Variants in HNF4G observed in about 807,000 individuals in gnomAD.
HNF4G encodes hepatocyte nuclear factor 4 gamma, also known as hepatocyte nuclear factor 4-gamma.
HNF4G carries 21 observed loss-of-function variants against 50.9 expected under a neutral mutation model. The ratio of observed to expected loss-of-function variants is 0.41; its 90% CI spans 0.29 to 0.59. The LOEUF is 0.59. Ranked by LOEUF, HNF4G falls within the 20% of genes least tolerant of loss-of-function variation. The probability of loss-of-function intolerance (pLI) is 0.26; values close to 1 mark genes in which losing one functional copy is unlikely to be tolerated. For synonymous variants in HNF4G, 198 were observed against 185.6 expected, an observed-to-expected ratio of 1.07 and a Z score of -0.54; for missense variants, 527 against 559.4, an observed-to-expected ratio of 0.94 and a Z score of 0.58.
chr8:75,485,267 T>C (rs531109641), intron 1 of HNF4G, among the ~76,000 whole-genome samples: 2 of 152,320 alleles, frequency 1.3e-5, no homozygotes, highest in East Asian at 3.9e-4. Flanking sequence ...AGAAAACCAT[T>C]AAAGCATGTT....
chr8:75,559,474 G>T (rs957519243), intron 8 of HNF4G, among the ~76,000 whole-genome samples: 3 of 151,890 alleles, frequency 2.0e-5, no homozygotes, highest in African/African-American at 7.3e-5. Context: ...GGGTTTCACC[G>T]TGTTGATTAG....
Position 75,564,163 on chromosome 8 carries a change from A to G in HNF4G, c.*67A>G. ...GTTGTTGATCTTGAAATATCTCAGG[A>G]TAGCACTTTTGGCAAACTCTTAGCC... On this transcript the variant is annotated 3_prime_UTR_variant, in exon 10 of 10. Transcript: ENST00000396423. 23 of 1,544,238 alleles carry G rather than the reference A, an allele frequency of 1.5e-5. No individual in the cohort carries two copies. The highest frequency in any genetic ancestry group is 2.0e-5 in the Non-Finnish European group (23 of 1,130,882).
At chr8:75,470,430 A>G (rs901779857) in intron 1 of HNF4G, among the ~76,000 whole-genome samples, 1 of 152,136 alleles carries the variant, frequency 6.6e-6, no homozygotes, top group Non-Finnish European at 1.5e-5. Flanking sequence ...ATTGTAGTCT[A>G]TTATAAAAAT....
At chr8:75,429,324 T>TA (rs1331793585) in intron 1 of HNF4G, among the ~76,000 whole-genome samples, 1 of 152,208 alleles carries the variant, frequency 6.6e-6, no homozygotes, top group Non-Finnish European at 1.5e-5. Context: ...GTCTGGAATT[T>TA]AATCTTCAAT....
At chr8:75,519,337 C>A (rs887718021) in intron 2 of HNF4G, among the ~76,000 whole-genome samples, 1 of 152,220 alleles carries the variant, frequency 6.6e-6, no homozygotes, top group Non-Finnish European at 1.5e-5. Context: ...CTGTCTTCTT[C>A]TGAGCCCTCC....
intron 2 of HNF4G, among the ~76,000 whole-genome samples, chr8:75,528,278 T>C (rs1344404626): frequency 6.6e-6 from 1 of 152,184 alleles, no homozygotes; most frequent in Non-Finnish European, 1.5e-5. Flanking sequence ...GTTTTTTTTG[T>C]TAGATACACT....
chr8:75,526,306 T>C (rs1184212927), intron 2 of HNF4G, among the ~76,000 whole-genome samples: 4 of 151,920 alleles, frequency 2.6e-5, no homozygotes, highest in African/African-American at 7.3e-5. Context: ...GTTCTGGGTT[T>C]ATAGACCTGA....
chr8:75,555,483 G>T (rs944767160), intron 5 of HNF4G, among the ~76,000 whole-genome samples: 1 of 152,072 alleles, frequency 6.6e-6, no homozygotes, highest in African/African-American at 2.4e-5. Context: ...AGAAGTCTTT[G>T]CTTTGCTTTT....
At chr8:75,472,251 A>G (rs1466429975) in intron 1 of HNF4G, among the ~76,000 whole-genome samples, 6 of 152,318 alleles carry the variant, frequency 3.9e-5, no homozygotes, top group African/African-American at 1.2e-4. Context: ...AATAATTTAG[A>G]AAGTATTTAG....
At chr8:75,449,644 C>G (rs556214837) in intron 1 of HNF4G, among the ~76,000 whole-genome samples, 78 of 151,404 alleles carry the variant, frequency 5.2e-4, no homozygotes, top group Non-Finnish European at 9.6e-4. Context: ...GTAGCTGGGA[C>G]TACAGGCTCC....
chr8:75,448,443 A>AT lies in HNF4G; in HGVS notation c.-144+40281_-144+40282insT, dbSNP rs1811483139. On this transcript the variant is annotated intron_variant, in intron 1 of 10. Transcript: ENST00000354370. Reference sequence around the variant, plus strand: ...TTAAAGTATAAAAAAAAAAAAAAAAAAGTGTCAGACATGATACAAGATGAT... The same window carrying AT: ...TTAAAGTATAAAAAAAAAAAAAAAAATAGTGTCAGACATGATACAAGATGAT... 1.1e-3 allele frequency among the ~76,000 whole-genome samples: 85 copies of AT among 76,784 alleles called. 2 individuals carry two copies. In the South Asian group the frequency reaches 0.017, roughly 16 times the overall value. 50.4% of individuals were successfully genotyped at this position (76,784 alleles called of 152,430 possible). A position where few individuals can be genotyped will look rare whatever the true frequency, so the allele number is the denominator to read the frequency against.
At chr8:75,520,594 T>G (rs1013723806) in intron 2 of HNF4G, among the ~76,000 whole-genome samples, 1 of 151,934 alleles carries the variant, frequency 6.6e-6, no homozygotes. Flanking sequence ...GATGCCACCA[T>G]GCCTGGCTAA....
upstream of HNF4G, among the ~76,000 whole-genome samples, chr8:75,534,936 G>A (rs977726138): frequency 1.3e-5 from 2 of 151,262 alleles, no homozygotes; most frequent in African/African-American, 4.9e-5. Context: ...AACAAATCGA[G>A]GACAGGAACA....
rs1177233495 is a variant in HNF4G, at chr8:75,558,649, G to A, written c.865G>A (p.Ala289Thr). 4 of 1,612,826 alleles carry A rather than the reference G, an allele frequency of 2.5e-6. No individual in the cohort carries two copies. The highest frequency in any genetic ancestry group is 3.4e-6 in the Non-Finnish European group (4 of 1,179,628). ...TGACAATGAGTATGCTTGTTTAAAGGCAATTGTATTTTTTGATCCAGGTTG... is the reference window on the plus strand; with the variant it reads ...TGACAATGAGTATGCTTGTTTAAAGACAATTGTATTTTTTGATCCAGGTTG... ...IDDNEYACLK[A>T]IVFFDPDAKG... The change falls in exon 7 of 10, where the codon GCA (alanine) becomes ACA (threonine). Residue 289 changes from alanine to threonine, a missense_variant. Ala to Thr is a moderately conservative substitution (Grantham distance 58). Around this residue, in one of 5 missense-constraint regions of HNF4G, gnomAD observed 308 missense variants for 301.5 expected, o/e 1.02. Transcript: ENST00000396423.
rs1807397891 is a variant in HNF4G, at chr8:75,564,165, A to G, written c.*69A>G. The G allele has an allele frequency of 6.5e-7, 1 of 1,535,248 alleles. No individual in the cohort carries two copies. Among genetic ancestry groups the G allele is most frequent in the Admixed American group, 1.8e-5 (1 of 56,936 alleles). ...TGTTGATCTTGAAATATCTCAGGAT[A>G]GCACTTTTGGCAAACTCTTAGCCAA... is the stretch of plus-strand genomic sequence containing the variant. On this transcript the variant is annotated 3_prime_UTR_variant, in exon 10 of 10. Coordinates refer to ENST00000396423, the MANE Select transcript of HNF4G (RefSeq NM_004133.5).
At chr8:75,472,678 A>G (rs983077333) in intron 1 of HNF4G, among the ~76,000 whole-genome samples, 1 of 152,194 alleles carries the variant, frequency 6.6e-6, no homozygotes, top group Non-Finnish European at 1.5e-5. Flanking sequence ...AAGTAGTATG[A>G]TATAACAATG....
At chr8:75,451,902 C>CT (rs1357709265) in intron 1 of HNF4G, among the ~76,000 whole-genome samples, 1 of 152,192 alleles carries the variant, frequency 6.6e-6, no homozygotes, top group Non-Finnish European at 1.5e-5. Flanking sequence ...ACAGGCACAC[C>CT]TGTACTCCAG....
At chr8:75,453,918 A>G (rs1037534741) in intron 1 of HNF4G, among the ~76,000 whole-genome samples, 4 of 152,114 alleles carry the variant, frequency 2.6e-5, no homozygotes, top group African/African-American at 7.2e-5. Context: ...TAAAGTCCCA[A>G]TGTGATGGTA....
intron 1 of HNF4G, among the ~76,000 whole-genome samples, chr8:75,456,889 T>C (rs1811736376): frequency 6.6e-6 from 1 of 151,968 alleles, no homozygotes. Flanking sequence ...CCCAGACGTG[T>C]GCCACCATGC....
Sources: allele counts gnomAD v4.1 joint callset (sites outside exome capture counted in the v4.1 genomes callset), GRCh38; gene constraint gnomAD v4.1.1; regional missense constraint gnomAD v4.1.1; transcripts MANE v1.5; gene names NCBI Gene and HGNC (gene_info 2026-07-23, HGNC 2026-07-21).